Variants in PRKG1 observed in about 807,000 individuals in gnomAD.
PRKG1 encodes the protein protein kinase cGMP-dependent 1.
PRKG1 carries 35 observed loss-of-function variants against 88.1 expected under a neutral mutation model. That is an observed-to-expected ratio of 0.40 (90% confidence interval 0.30 to 0.53). PRKG1 has a LOEUF of 0.53. Ranked by LOEUF, PRKG1 falls within the 20% of genes least tolerant of loss-of-function variation. The probability of loss-of-function intolerance (pLI) is 0.59; values close to 1 mark genes in which losing one functional copy is unlikely to be tolerated. For synonymous variants in PRKG1, 303 were observed against 292.5 expected, an observed-to-expected ratio of 1.04 and a Z score of -0.37; for missense variants, 540 against 839.8, an observed-to-expected ratio of 0.64 and a Z score of 4.41.
intron 9 of PRKG1, among the ~76,000 whole-genome samples, chr10:52,240,685 C>T (rs1055526931): frequency 2.0e-5 from 3 of 152,058 alleles, no homozygotes; most frequent in African/African-American, 7.2e-5. Context: ...ATCACTATTA[C>T]CAAACAACTT....
chr10:51,787,427 A>T (rs1413681284), intron 3 of PRKG1, among the ~76,000 whole-genome samples: 1 of 152,082 alleles, frequency 6.6e-6, no homozygotes, highest in Non-Finnish European at 1.5e-5. Flanking sequence ...AACTTAATCA[A>T]TCATACTTAA....
chr10:51,933,379 C>G (rs147598272), intron 5 of PRKG1, among the ~76,000 whole-genome samples: 102 of 152,222 alleles, frequency 6.7e-4, no homozygotes, highest in Middle Eastern at 3.4e-3. Flanking sequence ...ATAATTTTAT[C>G]TGGTCCCATT....
At chr10:51,127,853 C>G (rs911444989) in intron 1 of PRKG1, among the ~76,000 whole-genome samples, 1 of 152,140 alleles carries the variant, frequency 6.6e-6, no homozygotes, top group Admixed American at 6.5e-5. Context: ...CAACCTAACA[C>G]AGGAACAGAA....
intron 3 of PRKG1, among the ~76,000 whole-genome samples, chr10:51,785,595 C>G (rs577047710): frequency 1.3e-5 from 2 of 152,160 alleles, no homozygotes; most frequent in African/African-American, 4.8e-5. Context: ...TAAGTGGAGA[C>G]AAGATACCAG....
chr10:51,198,150 G>A (rs1480681557), intron 2 of PRKG1, among the ~76,000 whole-genome samples: 1 of 152,146 alleles, frequency 6.6e-6, no homozygotes, highest in Non-Finnish European at 1.5e-5. Flanking sequence ...GGGCAGGATA[G>A]TTGGGGTACT....
intron 2 of PRKG1, among the ~76,000 whole-genome samples, chr10:51,453,269 TTTGTTGTTG>T (rs905602824): frequency 5.9e-5 from 9 of 151,952 alleles, no homozygotes; most frequent in Non-Finnish European, 8.8e-5. Context: ...ATCTTTTGTA[TTTGTTGTTG>T]TTTTTGTTGT....
chr10:51,422,770 A>G (rs1252651957), intron 2 of PRKG1, among the ~76,000 whole-genome samples: 2 of 151,942 alleles, frequency 1.3e-5, no homozygotes, highest in Non-Finnish European at 2.9e-5. Context: ...TTCACGGGCC[A>G]CACTCATGCC....
chr10:51,118,002 G>T (rs768419554), intron 1 of PRKG1, among the ~76,000 whole-genome samples: 1 of 152,164 alleles, frequency 6.6e-6, no homozygotes, highest in South Asian at 2.1e-4. Flanking sequence ...TCACTAGGGG[G>T]TTTTCACTAA....
chr10:52,197,291 A>G (rs1011742654), intron 9 of PRKG1, among the ~76,000 whole-genome samples: 1 of 152,190 alleles, frequency 6.6e-6, no homozygotes, highest in African/African-American at 2.4e-5. Flanking sequence ...AAATGAGCTC[A>G]TGTTGGACTT....
At chr10:51,229,940 AAAAAAAAAG>A (rs1838794873) in intron 2 of PRKG1, among the ~76,000 whole-genome samples, 1 of 145,568 alleles carries the variant, frequency 6.9e-6, no homozygotes, top group Non-Finnish European at 1.5e-5. Context: ...AAAAAAAAAA[AAAAAAAAAG>A]AAAAAGAAAA....
chr10:51,121,558 C>A (rs1845261451), intron 1 of PRKG1, among the ~76,000 whole-genome samples: 1 of 152,108 alleles, frequency 6.6e-6, no homozygotes, highest in African/African-American at 2.4e-5. Context: ...TATGTCATAT[C>A]TCACTGAATC....
intron 3 of PRKG1, among the ~76,000 whole-genome samples, chr10:51,516,638 A>C (rs562643760): frequency 9.6e-4 from 146 of 152,252 alleles, no homozygotes; most frequent in South Asian, 3.9e-3. Flanking sequence ...AAAAGACACA[A>C]AGGAATGAAT....
intron 1 of PRKG1, among the ~76,000 whole-genome samples, chr10:51,079,801 G>A (rs1844060288): frequency 6.6e-6 from 1 of 152,082 alleles, no homozygotes; most frequent in Non-Finnish European, 1.5e-5. Context: ...CCTGTTAATA[G>A]TCGTAACTAT....
chr10:51,850,208 C>T (rs186944153), intron 4 of PRKG1, among the ~76,000 whole-genome samples: 2 of 152,310 alleles, frequency 1.3e-5, no homozygotes, highest in Admixed American at 1.3e-4. Context: ...TGAAGTTTTG[C>T]TCTTGTCACC....
At chr10:51,533,483 G>A (rs1264239810) in intron 3 of PRKG1, among the ~76,000 whole-genome samples, 1 of 152,080 alleles carries the variant, frequency 6.6e-6, no homozygotes, top group African/African-American at 2.4e-5. Context: ...GCTTGTAACA[G>A]TTTACCAATT....
chr10:51,428,636 C>A (rs943495157), intron 2 of PRKG1, among the ~76,000 whole-genome samples: 3 of 152,132 alleles, frequency 2.0e-5, no homozygotes, highest in Non-Finnish European at 4.4e-5. Flanking sequence ...TTGCCTGGGG[C>A]TTCTTTTATT....
intron 5 of PRKG1, among the ~76,000 whole-genome samples, chr10:51,989,247 T>A (rs1434166122): frequency 6.6e-6 from 1 of 151,986 alleles, no homozygotes. Flanking sequence ...GCTAGATGGG[T>A]CTTATTATAT....
intron 3 of PRKG1, among the ~76,000 whole-genome samples, chr10:51,571,982 G>A (rs1837766123): frequency 6.6e-6 from 1 of 151,722 alleles, no homozygotes; most frequent in Non-Finnish European, 1.5e-5. Flanking sequence ...AAGATTGAGA[G>A]AAAAGGAGAG....
intron 9 of PRKG1, among the ~76,000 whole-genome samples, chr10:52,183,244 C>T (rs1032651552): frequency 6.6e-6 from 1 of 152,186 alleles, no homozygotes. Flanking sequence ...TGGGGCAGCC[C>T]ACGGGCTGTT....
Sources: allele counts gnomAD v4.1 joint callset (sites outside exome capture counted in the v4.1 genomes callset), GRCh38; gene constraint gnomAD v4.1.1; transcripts MANE v1.5; gene names NCBI Gene and HGNC (gene_info 2026-07-23, HGNC 2026-07-21).